The following SLC26A2 variants were observed in gnomAD, a reference collection of about 807,000 sequenced individuals.
The protein encoded by SLC26A2 is solute carrier family 26 member 2.
A neutral mutation model predicts 41.1 loss-of-function variants in SLC26A2; 36 were observed. That is an observed-to-expected ratio of 0.88 (90% CI 0.67 to 1.16). SLC26A2 has a LOEUF of 1.16. Ranked by LOEUF, SLC26A2 falls within the 50% of genes most tolerant of loss-of-function variation. The probability of loss-of-function intolerance (pLI) is 0.00; values close to 1 mark genes in which losing one functional copy is unlikely to be tolerated. For missense variants in SLC26A2, 796 were observed against 869.6 expected, an observed-to-expected ratio of 0.92 and a Z score of 1.07; for synonymous variants, 291 against 311.6, an observed-to-expected ratio of 0.93 and a Z score of 0.70.
At chr5:149,972,012 C>A (rs995520022) in intron 1 of SLC26A2, among the ~76,000 whole-genome samples, 4 of 152,166 alleles carry the variant, frequency 2.6e-5, no homozygotes, top group African/African-American at 9.7e-5. Context: ...ATAACATTCT[C>A]ATTTCTGATT....
Position 149,981,403 on chromosome 5 carries a change from G to T in SLC26A2, c.1810G>T (p.Val604Phe), listed in dbSNP as rs1412248637. The change falls in exon 3 of 3, where the codon GTC (valine) becomes TTC (phenylalanine). Residue 604 changes from valine to phenylalanine, a missense_variant. Val to Phe is a conservative substitution (Grantham distance 50). Coordinates refer to ENST00000286298, the MANE Select transcript of SLC26A2 (RefSeq NM_000112.4). ...TAAATCTGCTTTATACAAACAAACT[G>T]TCAACCCAATCTTAATAAAGGTGGC... ...CFKSALYKQT[V>F]NPILIKVAWK... The T allele has an allele frequency of 2.6e-5, 42 of 1,613,910 alleles. No individual in the cohort carries two copies. The highest frequency in any genetic ancestry group is 3.5e-5 in the Non-Finnish European group (41 of 1,179,996).
In SLC26A2 at chr5:149,960,784, C is replaced by CTCTTCGCCGGTGCG. The variant is rs1561808016; in HGVS notation, c.-218_-205dup. 6.6e-6 allele frequency: 1 copy of CTCTTCGCCGGTGCG among 152,338 alleles called. No homozygotes were observed. The highest frequency in any genetic ancestry group is 1.5e-5 in the Non-Finnish European group (1 of 68,112). The allele number at this position is 152,338 out of a possible 1,614,324, so 9.4% of individuals were successfully genotyped here. ...TTTACACTGGCTCTGCCTCCGGCATCTCTTCGCCGGTGCGTCCTCGCCGCG... is the reference window on the plus strand; with the variant it reads ...TTTACACTGGCTCTGCCTCCGGCATCTCTTCGCCGGTGCGTCTTCGCCGGTGCGTCCTCGCCGCG... On this transcript the variant is annotated 5_prime_UTR_variant, in exon 1 of 3. Coordinates refer to ENST00000286298, the MANE Select transcript of SLC26A2 (RefSeq NM_000112.4).
At chr5:149,974,210 T>G (rs1754952261) in intron 1 of SLC26A2, among the ~76,000 whole-genome samples, 1 of 152,200 alleles carries the variant, frequency 6.6e-6, no homozygotes. Flanking sequence ...CTGGCCTCCA[T>G]GATTTCCAAT....
In SLC26A2 at chr5:149,978,050, C is replaced by T. The variant is rs267607055; in HGVS notation, c.398C>T (p.Ala133Val). The change falls in exon 2 of 3, where the codon GCT becomes GTT. Residue 133 changes from alanine to valine, a missense_variant. By Grantham distance (64) the Ala-to-Val change is moderately conservative. Transcript: ENST00000286298. ...CAGTCCATTGCTTATTCCCTGCTGG[C>T]TGGCCAAGAACCTGTCTATGGTCTG... Reference protein sequence around the residue: ...VPQSIAYSLLAGQEPVYGLYT... With the variant: ...VPQSIAYSLLVGQEPVYGLYT... 2.5e-6 allele frequency: 4 copies of T among 1,613,306 alleles called. No homozygotes were observed. Among genetic ancestry groups the T allele is most frequent in the African/African-American group, 1.3e-5 (1 of 74,876 alleles).
rs765407252 is a variant in SLC26A2, at chr5:149,980,596, A to G, written c.1003A>G (p.Ile335Val). 8 of 1,614,146 alleles carry G rather than the reference A, an allele frequency of 5.0e-6. No individual in the cohort carries two copies. The South Asian group carries it at 8.8e-5, about 18-fold the overall frequency. ...FKSKLKAPIP[I>V]ELVVVVAATL... is the part of the protein sequence containing the mutation. Reference sequence around the variant, plus strand: ...ATCCAAGCTTAAGGCACCGATTCCTATTGAACTTGTTGTTGTTGTAGCAGC... The same window carrying G: ...ATCCAAGCTTAAGGCACCGATTCCTGTTGAACTTGTTGTTGTTGTAGCAGC... The change falls in exon 3 of 3, where the codon ATT becomes GTT. Residue 335 changes from isoleucine to valine, a missense_variant. Transcript: ENST00000286298.
chr5:149,966,890 CAA>C (rs1206522248), intron 1 of SLC26A2, among the ~76,000 whole-genome samples: 3 of 152,184 alleles, frequency 2.0e-5, no homozygotes, highest in Non-Finnish European at 4.4e-5. Flanking sequence ...TACTTCCTCC[CAA>C]AGTTGTGTGT....
In SLC26A2 at chr5:149,973,351, C is replaced by T. The variant is rs146294960; in HGVS notation, c.-25-4277C>T. Among the ~76,000 whole-genome samples the T allele has an allele frequency of 6.6e-3, 997 of 152,128 alleles. 10 individuals are homozygous for T. The highest frequency in any genetic ancestry group is 0.023 in the African/African-American group (949 of 41,490). ...GAAAAAATGAATTTTACTTTATCTT[C>T]ATTTGTTCCATTTCCTGGACTTTCT... On this transcript the variant is annotated intron_variant, in intron 1 of 2. Coordinates refer to ENST00000286298, the MANE Select transcript of SLC26A2 (RefSeq NM_000112.4).
intron 1 of SLC26A2, among the ~76,000 whole-genome samples, chr5:149,972,602 TG>T (rs1229989948): frequency 2.6e-5 from 4 of 152,228 alleles, no homozygotes; most frequent in South Asian, 4.1e-4. Flanking sequence ...TTTATTACCT[TG>T]CTCTGTCATT....
At position 149,981,332 on chromosome 5, in the gene SLC26A2, T is replaced by C. The variant is rs934543109; in HGVS notation, c.1739T>C (p.Ile580Thr). Residue 580 changes from isoleucine (I) to threonine (T), a missense_variant, in exon 3 of 3, where the codon ATT becomes ACT. Coordinates refer to ENST00000286298, the MANE Select transcript of SLC26A2 (RefSeq NM_000112.4). ...KNLQIKPGIK[I>T]FRFVAPLYYI... The stretch of plus-strand genomic sequence containing the variant: ...CTTCAGATTAAGCCAGGCATCAAGA[T>C]TTTCCGCTTTGTAGCCCCTCTCTAC... 5 of 1,613,992 alleles carry C rather than the reference T, an allele frequency of 3.1e-6. No individual in the cohort carries two copies. Among genetic ancestry groups the C allele is most frequent in the Non-Finnish European group, 3.4e-6 (4 of 1,179,968 alleles).
At position 149,981,078 on chromosome 5, in the gene SLC26A2, T is replaced by TCGGG. The variant is rs2113698812; in HGVS notation, c.1487_1488insGGCG (p.Lys497AlafsTer2). On this transcript the variant is annotated frameshift_variant, in exon 3 of 3. Transcript: ENST00000286298. LOFTEE classifies it high-confidence loss of function. The stretch of plus-strand genomic sequence containing the variant: ...CAATTGTAAATCTACGGGGAGCCCT[T>TCGGG]CGTAAATTTAGGGATCTTCCCAAAA... 1.9e-6 allele frequency: 3 copies of TCGGG among 1,614,164 alleles called. No individual in the cohort carries two copies. In the South Asian group the frequency reaches 3.3e-5, roughly 18 times the overall value.
chr5:149,967,032 C>T (rs1429341322), intron 1 of SLC26A2, among the ~76,000 whole-genome samples: 2 of 152,066 alleles, frequency 1.3e-5, no homozygotes, highest in Admixed American at 6.6e-5. Flanking sequence ...GGCACAGCGG[C>T]GTGTGTCCAT....
intron 1 of SLC26A2, among the ~76,000 whole-genome samples, chr5:149,966,332 G>T (rs1754804636): frequency 1.3e-5 from 2 of 152,202 alleles, no homozygotes; most frequent in East Asian, 3.8e-4. Context: ...CTGTCTCATG[G>T]TTGGGACAGA....
At chr5:149,968,828 TTGTGCCTCAGCTTGCTGAGTAGC>T (rs11274810) in intron 1 of SLC26A2, among the ~76,000 whole-genome samples, 33,708 of 151,500 alleles carry the variant, frequency 0.22, 4,741 homozygotes, top group African/African-American at 0.39. Flanking sequence ...AAGTGATTCT[TTGTGCCTCAGCTTGCTGAGTAGC>T]TGTGCCTCAG....
chr5:149,974,586 C>T (rs1195733219), intron 1 of SLC26A2, among the ~76,000 whole-genome samples: 1 of 151,758 alleles, frequency 6.6e-6, no homozygotes, highest in African/African-American at 2.4e-5. Flanking sequence ...CCATGCCCAG[C>T]TAATTTTTGT....
rs780945972 is a variant in SLC26A2, at chr5:149,981,585, C to G, written c.1992C>G (p.Ile664Met). 4 of 1,614,012 alleles carry G rather than the reference C, an allele frequency of 2.5e-6. No homozygotes were observed. The Admixed American group carries it at 6.7e-5, about 27-fold the overall frequency. The change falls in exon 3 of 3, where the codon ATC (isoleucine) becomes ATG (methionine). Residue 664 changes from isoleucine to methionine, a missense_variant. Physicochemically the swap from Ile to Met is conservative, Grantham distance 10. Transcript: ENST00000286298. ...TTCAATTTTTAGATACAGCAGGGAT[C>G]CACACACTGAAAGAAGTTCGCAGAG... ...SAIQFLDTAGIHTLKEVRRDY... is the reference protein window; with the variant it reads ...SAIQFLDTAGMHTLKEVRRDY...
At chr5:149,969,599 G>C (rs1754866591) in intron 1 of SLC26A2, among the ~76,000 whole-genome samples, 1 of 152,098 alleles carries the variant, frequency 6.6e-6, no homozygotes, top group African/African-American at 2.4e-5. Flanking sequence ...CTCTTACCTA[G>C]TTGTACCACT....
intron 1 of SLC26A2, among the ~76,000 whole-genome samples, chr5:149,977,217 T>A (rs1581230282): frequency 6.6e-6 from 1 of 152,200 alleles, no homozygotes; most frequent in East Asian, 1.9e-4. Flanking sequence ...AGGTAGGGGT[T>A]AAGACCAGAT....
intron 1 of SLC26A2, among the ~76,000 whole-genome samples, chr5:149,965,266 A>G (rs559005631): frequency 2.0e-5 from 3 of 152,252 alleles, no homozygotes; most frequent in South Asian, 4.2e-4. Flanking sequence ...GCGGATCACA[A>G]GGTCTGGAGA....
chr5:149,966,924 A>G (rs1225854131), intron 1 of SLC26A2, among the ~76,000 whole-genome samples: 1 of 152,216 alleles, frequency 6.6e-6, no homozygotes, highest in African/African-American at 2.4e-5. Context: ...TAAGAAATAC[A>G]TTTCCCAAGG....
Sources: allele counts gnomAD v4.1 joint callset (sites outside exome capture counted in the v4.1 genomes callset), GRCh38; gene constraint gnomAD v4.1.1; transcripts MANE v1.5; gene names NCBI Gene and HGNC (gene_info 2026-07-23, HGNC 2026-07-21).